Variants in MIEF2 observed in about 807,000 individuals in gnomAD.
MIEF2 encodes mitochondrial dynamics protein MID49.
MIEF2 carries 1 observed loss-of-function variant against 7.4 expected under a neutral mutation model. The observed-to-expected ratio is 0.14, with a 90% CI of 0.05 to 0.64. The LOEUF is 0.64. Ranked by LOEUF, MIEF2 falls within the 30% of genes least tolerant of loss-of-function variation. The pLI is 0.85. For missense variants in MIEF2, 569 were observed against 623.9 expected (o/e 0.91, Z 0.94); for synonymous variants, 275 against 290.5 (o/e 0.95, Z 0.54).
intron 1 of MIEF2, chr17:18,260,997 A>T: frequency 9.6e-7 from 1 of 1,036,342 alleles, no homozygotes; most frequent in Non-Finnish European, 1.4e-6. Context: ...CAGGGCAGGC[A>T]GGTTTGGCGG....
chr17:18,261,268 G>A (rs1978399810), intron 1 of MIEF2: 1 of 1,347,262 alleles, frequency 7.4e-7, no homozygotes, highest in Non-Finnish European at 1.0e-6. Context: ...GATTGAAACC[G>A]GCCCTGGGGC....
chr17:18,261,372 C>T (rs1205882324), intron 1 of MIEF2, among the ~76,000 whole-genome samples: 1 of 152,194 alleles, frequency 6.6e-6, no homozygotes, highest in Non-Finnish European at 1.5e-5. Flanking sequence ...CTGAGTCACA[C>T]AGCGCTTCAG....
chr17:18,264,482 T>G lies in MIEF2; in HGVS notation c.1083T>G (p.Cys361Trp). Residue 361 changes from cysteine to tryptophan, a missense_variant, in exon 4 of 4, where the codon TGT (cysteine) becomes TGG (tryptophan). Coordinates refer to ENST00000323019, the MANE Select transcript of MIEF2 (RefSeq NM_139162.4). ...GCCGGCGGCTGCTGCTGCTGCTGTGTGCTGTCTGCCGTGGTTGCTCGGCTC... is the reference window on the plus strand; with the variant it reads ...GCCGGCGGCTGCTGCTGCTGCTGTGGGCTGTCTGCCGTGGTTGCTCGGCTC... ...GTRRRLLLLLCAVCRGCSALG... is the reference protein window; with the variant it reads ...GTRRRLLLLLWAVCRGCSALG... 6.2e-7 allele frequency: 1 copy of G among 1,606,194 alleles called. No homozygotes were observed. The highest frequency in any genetic ancestry group is 8.5e-7 in the Non-Finnish European group (1 of 1,179,850).
chr17:18,263,277 T>C lies in MIEF2; in HGVS notation c.310+29T>C, dbSNP rs532281539. 94 of 1,613,636 alleles carry C rather than the reference T, an allele frequency of 5.8e-5. 2 individuals are homozygous for C. The South Asian group carries it at 9.7e-4, about 17-fold the overall frequency. ...AGTGGCACTCCTTCCCCTCTTTTGG[T>C]GTCACATTCAAGAGACGCAGCCCAG... On this transcript the variant is annotated intron_variant, in intron 3 of 3. Coordinates refer to ENST00000323019, the MANE Select transcript of MIEF2 (RefSeq NM_139162.4).
At chr17:18,261,072 G>T in intron 1 of MIEF2, 1 of 1,544,454 alleles carries the variant, frequency 6.5e-7, no homozygotes, top group Non-Finnish European at 8.8e-7. Context: ...TCAGCCACCC[G>T]TGCCCTTTCC....
intron 1 of MIEF2, 29 bp downstream of exon 1, chr17:18,260,766 C>T (rs1035038982): frequency 5.7e-5 from 16 of 282,652 alleles, no homozygotes; most frequent in Non-Finnish European, 7.5e-5. Flanking sequence ...GGGGCGGCCC[C>T]CAGGGTCACC....
chr17:18,261,289 C>A, intron 1 of MIEF2: 2 of 1,187,368 alleles, frequency 1.7e-6, no homozygotes, highest in Middle Eastern at 2.2e-4. Flanking sequence ...CGTGGCGGGT[C>A]ACCCGGTTGG....
At chr17:18,261,088 C>G in intron 1 of MIEF2, 1 of 1,550,818 alleles carries the variant, frequency 6.4e-7, no homozygotes, top group Non-Finnish European at 8.7e-7. Context: ...TTTCCTGCTT[C>G]TCGGAGCTGG....
chr17:18,264,488 C>G lies in MIEF2; in HGVS notation c.1089C>G (p.Val363=). 6.2e-7 allele frequency: 1 copy of G among 1,606,780 alleles called. No individual in the cohort carries two copies. The highest frequency in any genetic ancestry group is 8.5e-7 in the Non-Finnish European group (1 of 1,179,882). ...RRRLLLLLCA[V]CRGCSALGQL... is the part of the protein sequence containing the mutation. Reference sequence around the variant, plus strand: ...GGCTGCTGCTGCTGCTGTGTGCTGTCTGCCGTGGTTGCTCGGCTCTGGGGC... The same window carrying G: ...GGCTGCTGCTGCTGCTGTGTGCTGTGTGCCGTGGTTGCTCGGCTCTGGGGC... The change falls in exon 4 of 4, where the codon GTC becomes GTG. Residue 363 remains valine, a synonymous_variant. Transcript: ENST00000323019.
chr17:18,264,926 C>A lies in MIEF2; in HGVS notation c.*162C>A. Reference sequence around the variant, plus strand: ...TCAGGATGTGCTTGGGCTATGGTGGCCATAAACCCTGAGCCCAGAGAGCTT... The same window carrying A: ...TCAGGATGTGCTTGGGCTATGGTGGACATAAACCCTGAGCCCAGAGAGCTT... On this transcript the variant is annotated 3_prime_UTR_variant, in exon 4 of 4. Coordinates refer to ENST00000323019, the MANE Select transcript of MIEF2 (RefSeq NM_139162.4). 2 of 1,301,004 alleles carry A rather than the reference C, an allele frequency of 1.5e-6. No individual in the cohort carries two copies. Among genetic ancestry groups the A allele is most frequent in the Non-Finnish European group, 2.0e-6 (2 of 981,178 alleles). 80.6% of individuals were successfully genotyped at this position (1,301,004 alleles called of 1,614,324 possible).
chr17:18,263,046 C>T, intron 2 of MIEF2, 40 bp from the exon 3 acceptor site: 3 of 1,601,338 alleles, frequency 1.9e-6, no homozygotes, highest in Non-Finnish European at 2.6e-6. Flanking sequence ...TATGACTGCC[C>T]AGATTTCATA....
intron 1 of MIEF2, chr17:18,261,101 G>C (rs1978389688): frequency 6.4e-7 from 1 of 1,551,218 alleles, no homozygotes; most frequent in South Asian, 1.2e-5. Flanking sequence ...GGAGCTGGAA[G>C]GCTGTGGACT....
At position 18,262,788 on chromosome 17, in the gene MIEF2, T is replaced by G; in HGVS notation, c.68T>G (p.Phe23Cys). 3 of 1,595,650 alleles carry G rather than the reference T, an allele frequency of 1.9e-6. No individual in the cohort carries two copies. Among genetic ancestry groups the G allele is most frequent in the Non-Finnish European group, 2.6e-6 (3 of 1,171,014 alleles). Residue 23 changes from phenylalanine to cysteine, a missense_variant, in exon 2 of 4, where the codon TTC becomes TGC. Phe to Cys is a radical substitution (Grantham distance 205, BLOSUM62 -2). Transcript: ENST00000323019. ...GAAGGGCTGGGCAGCATGGTGGACT[T>G]CCTCCTGGCCAATGCCCGCCTGGTG... is the stretch of plus-strand genomic sequence containing the variant. The part of the protein sequence containing the change: ...SDEGLGSMVD[F>C]LLANARLVLG...
chr17:18,262,446 A>C (rs528020911), intron 1 of MIEF2, among the ~76,000 whole-genome samples: 1 of 152,100 alleles, frequency 6.6e-6, no homozygotes, highest in African/African-American at 2.4e-5. Context: ...TCATCTCCTC[A>C]TGAGAGATGG....
chr17:18,261,833 A>T (rs1220962206), intron 1 of MIEF2, among the ~76,000 whole-genome samples: 1 of 152,206 alleles, frequency 6.6e-6, no homozygotes, highest in African/African-American at 2.4e-5. Context: ...TTGTCCCAAG[A>T]CTGAGAGGCC....
chr17:18,262,899 C>T lies in MIEF2; in HGVS notation c.147+32C>T. The T allele has an allele frequency of 5.9e-6, 9 of 1,528,050 alleles. No homozygotes were observed. In the South Asian group the frequency reaches 1.0e-4, roughly 17 times the overall value. The allele number at this position is 1,528,050 out of a possible 1,614,324, so 94.7% of individuals were successfully genotyped here. Reference sequence around the variant, plus strand: ...CCAAGTGGGCGGGTCATGCCTGAAGCTCCTAGAGGAGGACAACAGGGTTGG... The same window carrying T: ...CCAAGTGGGCGGGTCATGCCTGAAGTTCCTAGAGGAGGACAACAGGGTTGG... On this transcript the variant is annotated intron_variant, in intron 2 of 3. Coordinates refer to ENST00000323019, the MANE Select transcript of MIEF2 (RefSeq NM_139162.4).
chr17:18,260,916 CTT>C (rs1409626451), intron 1 of MIEF2, among the ~76,000 whole-genome samples, 179 bp downstream of exon 1: 1 of 152,210 alleles, frequency 6.6e-6, no homozygotes, highest in African/African-American at 2.4e-5. Context: ...CTCTCGGTCT[CTT>C]GGTTTATCCT....
intron 1 of MIEF2, among the ~76,000 whole-genome samples, chr17:18,261,538 G>A (rs919966152): frequency 2.0e-5 from 3 of 152,192 alleles, no homozygotes; most frequent in Non-Finnish European, 4.4e-5. Context: ...GTGTCTAACT[G>A]ATGTCCTAAG....
At chr17:18,261,147 T>G in intron 1 of MIEF2, 1 of 1,551,430 alleles carries the variant, frequency 6.4e-7, no homozygotes, top group Non-Finnish European at 8.7e-7. Context: ...TGGGGCTGAG[T>G]CCCAATTTAG....
Sources: allele counts gnomAD v4.1 joint callset (sites outside exome capture counted in the v4.1 genomes callset), GRCh38; gene constraint gnomAD v4.1.1; transcripts MANE v1.5; gene names NCBI Gene and HGNC (gene_info 2026-07-23, HGNC 2026-07-21).